The following DNAI3 variants were observed in gnomAD, a reference collection of about 807,000 sequenced individuals.
DNAI3 encodes the protein dynein axonemal intermediate chain 3, also known as WD repeat domain 63.
A neutral mutation model predicts 115.5 loss-of-function variants in DNAI3; 83 were observed. The ratio of observed to expected loss-of-function variants is 0.72; its 90% CI spans 0.60 to 0.86. DNAI3 has a LOEUF of 0.86. DNAI3 is among the 40% of genes least tolerant of loss of function. The pLI, the probability that DNAI3 is intolerant of heterozygous loss-of-function variation, is 0.00. For missense variants in DNAI3, 1,004 were observed against 1,075.8 expected, an observed-to-expected ratio of 0.93 and a Z score of 0.93; for synonymous variants, 320 against 347.0, an observed-to-expected ratio of 0.92 and a Z score of 0.86.
rs1655432211 is a variant in DNAI3, at chr1:85,104,653, C to T, written c.1553+56C>T. On this transcript the variant is annotated intron_variant, in intron 14 of 22. Transcript: ENST00000294664. ...GTTTTCATACATGGTGTTTTTTCTT[C>T]GATGCTCCTAAAATCAGTGTCTTCT... The T allele has an allele frequency of 4.9e-6, 7 of 1,420,972 alleles. No homozygotes were observed. In the South Asian group the frequency reaches 5.9e-5, roughly 12 times the overall value. The allele number at this position is 1,420,972 out of a possible 1,614,324, so 88.0% of individuals were successfully genotyped here.
At chr1:85,067,466 G>A (rs1247262054) in intron 1 of DNAI3, among the ~76,000 whole-genome samples, 4 of 152,158 alleles carry the variant, frequency 2.6e-5, no homozygotes, top group South Asian at 2.1e-4. Context: ...TAATAGCAGC[G>A]TTTGAAAAGA....
chr1:85,085,726 A>T (rs1654781043), intron 6 of DNAI3, 105 bp from the exon 7 acceptor site: 9 of 910,022 alleles, frequency 9.9e-6, no homozygotes, highest in Non-Finnish European at 1.4e-5. Flanking sequence ...GGAGGTGCTC[A>T]CAGAAAGTGC....
chr1:85,082,455 G>A (rs1052617069), intron 5 of DNAI3, 51 bp downstream of exon 5: 7 of 1,487,142 alleles, frequency 4.7e-6, no homozygotes, highest in South Asian at 2.3e-5. Context: ...TGTGGTTGTG[G>A]TTGTTTTTGA....
At chr1:85,128,608 C>T in intron 20 of DNAI3, 100 bp from the exon 21 acceptor site, 1 of 923,318 alleles carries the variant, frequency 1.1e-6, no homozygotes, top group South Asian at 1.6e-5. Flanking sequence ...ACAGCAGGTC[C>T]TTTGGGAGAA....
chr1:85,085,565 C>G (rs113877795), intron 6 of DNAI3, among the ~76,000 whole-genome samples: 3,274 of 152,290 alleles, frequency 0.021, 125 homozygotes, highest in African/African-American at 0.075. Context: ...GTTTATGTAT[C>G]CCTCCTGCCA....
intron 7 of DNAI3, among the ~76,000 whole-genome samples, chr1:85,088,670 CAA>C (rs1444875071): frequency 6.6e-6 from 1 of 152,040 alleles, no homozygotes; most frequent in East Asian, 1.9e-4. Flanking sequence ...GAAACTGAAG[CAA>C]AGAGAGGTTA....
chr1:85,121,689 G>T (rs1655998350), intron 17 of DNAI3, 62 bp from the exon 18 acceptor site: 2 of 1,452,342 alleles, frequency 1.4e-6, no homozygotes, highest in Admixed American at 3.5e-5. Flanking sequence ...TAGCACATGA[G>T]TGTGAAGTCT....
chr1:85,069,866 G>C (rs1268272953), intron 1 of DNAI3, among the ~76,000 whole-genome samples: 3 of 152,170 alleles, frequency 2.0e-5, no homozygotes, highest in Non-Finnish European at 4.4e-5. Flanking sequence ...GAAGTGATAT[G>C]GAGGACATTT....
At chr1:85,087,434 CA>C (rs1162431713) in intron 7 of DNAI3, among the ~76,000 whole-genome samples, 4,305 of 46,570 alleles carry the variant, frequency 0.092, 13 homozygotes, top group East Asian at 0.25. Flanking sequence ...GACTCCATCT[CA>C]AAAAAAAAAA....
At chr1:85,087,496 A>G (rs1386671334) in intron 7 of DNAI3, among the ~76,000 whole-genome samples, 1 of 150,858 alleles carries the variant, frequency 6.6e-6, no homozygotes, top group Non-Finnish European at 1.5e-5. Context: ...CTCCATTACC[A>G]TCTATCCCCT....
At chr1:85,092,794 T>TACAC (rs58308443) in intron 8 of DNAI3, among the ~76,000 whole-genome samples, 8,192 of 145,170 alleles carry the variant, frequency 0.056, 258 homozygotes, top group Middle Eastern at 0.11. Context: ...CAACTAAAAC[T>TACAC]ACACACACAC....
chr1:85,090,519 CT>C (rs1654940458), intron 8 of DNAI3, among the ~76,000 whole-genome samples: 1 of 152,172 alleles, frequency 6.6e-6, no homozygotes, highest in South Asian at 2.1e-4. Flanking sequence ...ACCATGGTTA[CT>C]TTTACGTAAT....
At chr1:85,117,938 T>C (rs879450062) in intron 17 of DNAI3, 79 bp downstream of exon 17, 5 of 1,516,316 alleles carry the variant, frequency 3.3e-6, no homozygotes, top group Middle Eastern at 2.0e-4. Context: ...CTGTACATTT[T>C]TGCTGTGTAA....
At chr1:85,125,199 G>A (rs1656096500) in intron 19 of DNAI3, among the ~76,000 whole-genome samples, 1 of 152,004 alleles carries the variant, frequency 6.6e-6, no homozygotes. Flanking sequence ...TGAGCAATTT[G>A]AGATTATCAA....
intron 1 of DNAI3, among the ~76,000 whole-genome samples, chr1:85,064,545 C>A (rs557087920): frequency 1.1e-4 from 16 of 152,206 alleles, no homozygotes; most frequent in African/African-American, 3.9e-4. Context: ...TTACCAGAGG[C>A]CCAAGATGTT....
At chr1:85,120,446 A>G (rs572510008) in intron 17 of DNAI3, among the ~76,000 whole-genome samples, 2 of 152,356 alleles carry the variant, frequency 1.3e-5, no homozygotes, top group South Asian at 4.1e-4. Context: ...AGAAGTGGCT[A>G]GAGAAGGGTA....
At chr1:85,078,049 T>C (rs1654513874) in intron 3 of DNAI3, among the ~76,000 whole-genome samples, 1 of 150,646 alleles carries the variant, frequency 6.6e-6, no homozygotes, top group Admixed American at 6.6e-5. Context: ...CTTTGGTTCC[T>C]GCTAGGTGAA....
intron 20 of DNAI3, among the ~76,000 whole-genome samples, chr1:85,128,421 C>T (rs1656214128): frequency 6.6e-6 from 1 of 152,200 alleles, no homozygotes. Flanking sequence ...AGAGAGTCAA[C>T]TTCAGCCAGG....
intron 2 of DNAI3, 50 bp from the exon 3 acceptor site, chr1:85,073,004 A>T: frequency 1.8e-5 from 17 of 959,580 alleles, no homozygotes; most frequent in Non-Finnish European, 2.6e-5. Context: ...ATAAATTGAG[A>T]TGTATTTGAT....
Sources: gnomAD v4.1 joint callset for allele counts (sites outside exome capture counted in the v4.1 genomes callset) on GRCh38, gnomAD v4.1.1 for gene constraint, MANE v1.5 for transcripts, NCBI Gene and HGNC (gene_info 2026-07-23, HGNC 2026-07-21) for gene names.